Variants in FERMT1 observed in about 807,000 individuals in gnomAD.
FERMT1 encodes the protein fermitin family homolog 1.
Under a neutral mutation model 85.3 loss-of-function variants are expected in FERMT1, and 60 were observed. That is an observed-to-expected ratio of 0.70 (90% CI 0.57 to 0.87). The LOEUF (loss-of-function observed/expected upper bound fraction) is 0.87, where lower values mean the gene tolerates loss of function less well. Ranked by LOEUF, FERMT1 falls within the 40% of genes least tolerant of loss-of-function variation. FERMT1 has a pLI of 0.00. For synonymous variants in FERMT1, 275 were observed against 301.1 expected, an observed-to-expected ratio of 0.91 and a Z score of 0.90; for missense variants, 701 against 818.9, an observed-to-expected ratio of 0.86 and a Z score of 1.76.
At chr20:6,097,169 C>T (rs531017878) in intron 7 of FERMT1, 136 bp from the exon 8 acceptor site, 66 of 896,910 alleles carry the variant, frequency 7.4e-5, no homozygotes, top group East Asian at 7.0e-4. Flanking sequence ...GTCTCCTTCC[C>T]GTGTGGGGAA....
At chr20:6,082,486 G>T (rs1365903331) in intron 13 of FERMT1, among the ~76,000 whole-genome samples, 1 of 152,190 alleles carries the variant, frequency 6.6e-6, no homozygotes, top group East Asian at 1.9e-4. Flanking sequence ...GTGTGTGTGT[G>T]TCCGCACATG....
intron 6 of FERMT1, among the ~76,000 whole-genome samples, chr20:6,098,051 C>G (rs747373061): frequency 6.6e-6 from 1 of 152,114 alleles, no homozygotes; most frequent in African/African-American, 2.4e-5. Context: ...TGTGCTCAAA[C>G]GACCTACCCA....
chr20:6,122,190 G>T (rs1465176147), intron 1 of FERMT1, among the ~76,000 whole-genome samples: 1 of 152,152 alleles, frequency 6.6e-6, no homozygotes, highest in African/African-American at 2.4e-5. Flanking sequence ...TAGCCAAGCT[G>T]GTTTTCCTGC....
At position 6,082,685 on chromosome 20, in the gene FERMT1, T is replaced by C. The variant is rs905780726; in HGVS notation, c.1718+1355A>G. 2.0e-5 allele frequency among the ~76,000 whole-genome samples: 3 copies of C among 152,320 alleles called. No individual in the cohort carries two copies. In the Middle Eastern group the frequency reaches 0.01, roughly 518 times the overall value. On this transcript the variant is annotated intron_variant, in intron 13 of 14. Coordinates refer to ENST00000217289, the MANE Select transcript of FERMT1 (RefSeq NM_017671.5). The stretch of plus-strand genomic sequence containing the variant: ...TTTTGTTTTTGTTTTAGAGACAGTC[T>C]CACTGTGTCGCCTAGGCTGGAGGGC...
Position 6,112,622 on chromosome 20 carries a change from A to G in FERMT1, c.387T>C (p.Asn129=), listed in dbSNP as rs1269063125. The part of the protein sequence containing the change: ...KAVSDICKIL[N]IRRSEELSLL... ...AGGAAAGCTCTTCTGATCTTCTAAT[A>G]TCTAGAAATAAATATTTTTTAAAAA... Residue 129 remains asparagine (N), a splice_region_variant and synonymous_variant, in exon 4 of 15, where the codon AAT becomes AAC. Coordinates refer to ENST00000217289, the MANE Select transcript of FERMT1 (RefSeq NM_017671.5). 3 of 1,532,094 alleles carry G rather than the reference A, an allele frequency of 2.0e-6. No homozygotes were observed. Among genetic ancestry groups the G allele is most frequent in the Middle Eastern group, 2.3e-4 (1 of 4,442 alleles). The allele number at this position is 1,532,094 out of a possible 1,614,324, so 94.9% of individuals were successfully genotyped here.
Position 6,076,641 on chromosome 20 carries a change from C to T in FERMT1, c.*532G>A. ...AGCCCCACCCCTCCCCTTTCTACCC[C>T]TAGACCTTGGCCTCCAGGGAAAAAG... On this transcript the variant is annotated 3_prime_UTR_variant, in exon 15 of 15. Coordinates refer to ENST00000217289, the MANE Select transcript of FERMT1 (RefSeq NM_017671.5). 3 of 356,458 alleles carry T rather than the reference C, an allele frequency of 8.4e-6. No homozygotes were observed. The highest frequency in any genetic ancestry group is 6.5e-5 in the South Asian group (3 of 46,074). 22.1% of individuals were successfully genotyped at this position (356,458 alleles called of 1,614,324 possible).
chr20:6,088,906 G>A, intron 10 of FERMT1, 59 bp downstream of exon 10: 1 of 1,562,884 alleles, frequency 6.4e-7, no homozygotes, highest in Non-Finnish European at 8.8e-7. Flanking sequence ...TTACAGGTTT[G>A]AGCCACCGCG....
At chr20:6,120,648 A>G (rs931550885) in intron 1 of FERMT1, among the ~76,000 whole-genome samples, 31 of 152,236 alleles carry the variant, frequency 2.0e-4, no homozygotes, top group African/African-American at 7.0e-4. Context: ...TCACTTTACT[A>G]TGTAAAGCCA....
chr20:6,077,982 C>T (rs1242109731), intron 14 of FERMT1, among the ~76,000 whole-genome samples: 1 of 149,230 alleles, frequency 6.7e-6, no homozygotes, highest in East Asian at 1.9e-4. Context: ...ACCCGGCCTG[C>T]AGGCTCTTTA....
chr20:6,081,927 C>A (rs184913688), intron 13 of FERMT1, among the ~76,000 whole-genome samples: 1 of 152,200 alleles, frequency 6.6e-6, no homozygotes, highest in East Asian at 1.9e-4. Context: ...ACAAATTAAC[C>A]CACTTCTTAC....
intron 2 of FERMT1, among the ~76,000 whole-genome samples, chr20:6,117,101 G>A (rs888515826): frequency 2.0e-5 from 3 of 152,108 alleles, no homozygotes; most frequent in Admixed American, 6.6e-5. Context: ...TTCAATGTTA[G>A]CACCAATGTC....
chr20:6,114,320 A>G (rs1360021067), intron 3 of FERMT1, among the ~76,000 whole-genome samples: 1 of 152,206 alleles, frequency 6.6e-6, no homozygotes, highest in African/African-American at 2.4e-5. Flanking sequence ...TCAAGGGAAA[A>G]ACCACTAAAC....
At chr20:6,097,989 G>GT (rs1289128487) in intron 6 of FERMT1, among the ~76,000 whole-genome samples, 1 of 151,564 alleles carries the variant, frequency 6.6e-6, no homozygotes, top group Non-Finnish European at 1.5e-5. Context: ...TAATGTTTGT[G>GT]TTTTTTTGTA....
intron 4 of FERMT1, 152 bp downstream of exon 4, chr20:6,112,325 T>C: frequency 1.3e-6 from 1 of 748,766 alleles, no homozygotes; most frequent in Admixed American, 2.3e-5. Flanking sequence ...CACATTTCTG[T>C]TAATTCTAAA....
At position 6,099,764 on chromosome 20, in the gene FERMT1, G is replaced by A. The variant is rs147885647; in HGVS notation, c.850-2133C>T. ...TAGTCCCAGCGACTTGGGAGGTTGAGGCAGGAGGATTGCCTGAGGCCAGGA... is the reference window on the plus strand; with the variant it reads ...TAGTCCCAGCGACTTGGGAGGTTGAAGCAGGAGGATTGCCTGAGGCCAGGA... On this transcript the variant is annotated intron_variant, in intron 6 of 14. Transcript: ENST00000217289. Among the ~76,000 whole-genome samples, 73 of 151,346 alleles carry A rather than the reference G, an allele frequency of 4.8e-4. 1 individual carries two copies. Among genetic ancestry groups the A allele is most frequent in the African/African-American group, 1.5e-3 (60 of 41,166 alleles).
At position 6,104,090 on chromosome 20, in the gene FERMT1, C is replaced by T. The variant is rs182843601; in HGVS notation, c.849+3442G>A. On this transcript the variant is annotated intron_variant, in intron 6 of 14. Transcript: ENST00000217289. The surrounding 1 kb of genome is among the most constrained non-coding windows in gnomAD (Gnocchi z 4.2). The stretch of plus-strand genomic sequence containing the variant: ...TTCACCATGTTGGCCAGGCTAGTCT[C>T]GAACTTCTAACCTCAGGCGATCCAC... Among the ~76,000 whole-genome samples the T allele has an allele frequency of 2.5e-3, 382 of 152,194 alleles. 1 individual carries two copies. Among genetic ancestry groups the T allele is most frequent in the Admixed American group, 4.2e-3 (64 of 15,290 alleles).
rs776020009 is a variant in FERMT1, at chr20:6,079,501, T to G, written c.1795A>C (p.Ile599Leu). 2.5e-5 allele frequency: 40 copies of G among 1,613,770 alleles called. No homozygotes were observed. Among genetic ancestry groups the G allele is most frequent in the Non-Finnish European group, 3.3e-5 (39 of 1,179,762 alleles). ...GTGAATCTCCATGTTGTCACTGGAA[T>G]CCCGGTGGCTGCATCAATTTTAATC... ...RLIKIDAATG[I>L]PVTTWRFTNI... is the part of the protein sequence containing the mutation. Residue 599 changes from isoleucine (I) to leucine (L), a missense_variant, in exon 14 of 15, where the codon ATT becomes CTT. Transcript: ENST00000217289.
At chr20:6,081,898 CA>C (rs371595689) in intron 13 of FERMT1, among the ~76,000 whole-genome samples, 28 of 152,266 alleles carry the variant, frequency 1.8e-4, no homozygotes, top group African/African-American at 5.5e-4. Flanking sequence ...TTCATTTCAC[CA>C]CCTTAATGCT....
At chr20:6,082,639 G>A (rs146534791) in intron 13 of FERMT1, among the ~76,000 whole-genome samples, 28 of 152,250 alleles carry the variant, frequency 1.8e-4, no homozygotes, top group African/African-American at 6.5e-4. Context: ...CAGTGAATAG[G>A]AAAGTCTGTT....
Sources: gnomAD v4.1 joint callset for allele counts (sites outside exome capture counted in the v4.1 genomes callset) on GRCh38, gnomAD v4.1.1 for gene constraint, Gnocchi (gnomAD v3.1) non-coding constraint, MANE v1.5 for transcripts, NCBI Gene and HGNC (gene_info 2026-07-23, HGNC 2026-07-21) for gene names.